GABBR2: variants seen among roughly 807,000 people sequenced by gnomAD.
The protein encoded by GABBR2 is gamma-aminobutyric acid type B receptor subunit 2.
In GABBR2, 23 loss-of-function variants were observed where a neutral mutation model predicts 105.6. The observed-to-expected ratio is 0.22, with a 90% CI of 0.16 to 0.31. GABBR2 has a LOEUF of 0.31. GABBR2 is among the 10% of genes least tolerant of loss of function. The pLI, the probability that GABBR2 is intolerant of heterozygous loss-of-function variation, is 1.00. For missense variants in GABBR2, 734 were observed against 1,245.5 expected (o/e 0.59, Z 6.18); for synonymous variants, 478 against 499.7 (o/e 0.96, Z 0.58).
At chr9:98,595,344 T>G (rs1378312504) in intron 1 of GABBR2, among the ~76,000 whole-genome samples, 2 of 151,676 alleles carry the variant, frequency 1.3e-5, no homozygotes, top group African/African-American at 4.8e-5. Flanking sequence ...TACCATCAGT[T>G]TGGGGGCTAG....
At chr9:98,346,303 ATTCTAAG>A (rs1387823451) in intron 13 of GABBR2, among the ~76,000 whole-genome samples, 2 of 152,244 alleles carry the variant, frequency 1.3e-5, no homozygotes, top group African/African-American at 2.4e-5. Context: ...TTTATGGAAT[ATTCTAAG>A]TTCTTTGTTG....
chr9:98,703,821 AT>A (rs1830862522), intron 1 of GABBR2, among the ~76,000 whole-genome samples: 1 of 151,618 alleles, frequency 6.6e-6, no homozygotes, highest in South Asian at 2.1e-4. Context: ...ATAAAAATAA[AT>A]TTATTTTTTA....
chr9:98,607,916 T>C, intron 1 of GABBR2: 1 of 1,440,372 alleles, frequency 6.9e-7, no homozygotes, highest in East Asian at 2.5e-5. Context: ...GAGATGAAGG[T>C]CAAAGAAAAA....
At chr9:98,487,647 G>A (rs551642983) in intron 4 of GABBR2, among the ~76,000 whole-genome samples, 29 of 152,088 alleles carry the variant, frequency 1.9e-4, no homozygotes, top group African/African-American at 6.3e-4. Context: ...GTATGGTGGT[G>A]CATGCCTGTA....
At chr9:98,604,299 G>A (rs990731541) in intron 1 of GABBR2, among the ~76,000 whole-genome samples, 4 of 152,102 alleles carry the variant, frequency 2.6e-5, no homozygotes, top group Admixed American at 1.3e-4. Flanking sequence ...CCATTTCATC[G>A]GCTTTATTGA....
intron 1 of GABBR2, among the ~76,000 whole-genome samples, chr9:98,623,065 A>G (rs1286758189): frequency 6.6e-6 from 1 of 152,176 alleles, no homozygotes; most frequent in East Asian, 1.9e-4. Context: ...AGTATGTGGG[A>G]AATTTCCCTA....
At chr9:98,567,315 G>C (rs1828766558) in intron 2 of GABBR2, among the ~76,000 whole-genome samples, 1 of 152,168 alleles carries the variant, frequency 6.6e-6, no homozygotes, top group Non-Finnish European at 1.5e-5. Context: ...GAAAGACATG[G>C]GGTATGTCCT....
intron 1 of GABBR2, among the ~76,000 whole-genome samples, chr9:98,629,454 T>A (rs1001917013): frequency 1.3e-5 from 2 of 152,186 alleles, no homozygotes; most frequent in Non-Finnish European, 2.9e-5. Context: ...GACTAGATTA[T>A]AAAAACCAAG....
intron 6 of GABBR2, among the ~76,000 whole-genome samples, chr9:98,467,657 A>G (rs1022033425): frequency 6.6e-6 from 1 of 152,212 alleles, no homozygotes; most frequent in Admixed American, 6.5e-5. Flanking sequence ...AAGTGGAAGG[A>G]TCACTAGATT....
chr9:98,701,597 T>C (rs1830830408), intron 1 of GABBR2, among the ~76,000 whole-genome samples: 1 of 152,124 alleles, frequency 6.6e-6, no homozygotes, highest in Non-Finnish European at 1.5e-5. Context: ...CACCATTTAC[T>C]CATGCAGGCT....
chr9:98,385,547 A>T, intron 11 of GABBR2, 93 bp downstream of exon 11: 1 of 982,352 alleles, frequency 1.0e-6, no homozygotes, highest in Non-Finnish European at 1.6e-6. Context: ...ATGTATTTTC[A>T]TGTATTTCTG....
At chr9:98,557,942 C>T (rs11791441) in intron 2 of GABBR2, among the ~76,000 whole-genome samples, 12,378 of 152,124 alleles carry the variant, frequency 0.081, 576 homozygotes, top group East Asian at 0.15. Flanking sequence ...AGTTTTTTAC[C>T]AGAATATATG....
At chr9:98,554,957 C>T (rs1481117882) in intron 2 of GABBR2, among the ~76,000 whole-genome samples, 3 of 152,180 alleles carry the variant, frequency 2.0e-5, no homozygotes, top group Non-Finnish European at 4.4e-5. Flanking sequence ...ATGCCACCTC[C>T]GCCCCTCCCT....
intron 6 of GABBR2, among the ~76,000 whole-genome samples, chr9:98,468,991 T>C (rs1826613661): frequency 1.3e-5 from 2 of 152,130 alleles, no homozygotes; most frequent in Non-Finnish European, 2.9e-5. Flanking sequence ...TGGATGATTG[T>C]ATTAGATTTG....
intron 5 of GABBR2, among the ~76,000 whole-genome samples, chr9:98,473,571 G>A (rs756468776): frequency 2.0e-5 from 3 of 151,916 alleles, no homozygotes; most frequent in Non-Finnish European, 4.4e-5. Context: ...AAACATAAGG[G>A]CCCATAAAAA....
intron 1 of GABBR2, among the ~76,000 whole-genome samples, chr9:98,677,036 C>CTATG (rs1218669806): frequency 6.6e-6 from 1 of 152,200 alleles, no homozygotes; most frequent in Non-Finnish European, 1.5e-5. Flanking sequence ...TCCACTCAAG[C>CTATG]TATGCCCTCA....
intron 1 of GABBR2, among the ~76,000 whole-genome samples, chr9:98,703,797 CTTT>C (rs1233392937): frequency 1.7e-5 from 2 of 117,340 alleles, no homozygotes; most frequent in Non-Finnish European, 3.7e-5. Flanking sequence ...CTCAGTCTAT[CTTT>C]TTATTTTTAA....
chr9:98,663,240 G>A (rs35095054), intron 1 of GABBR2, among the ~76,000 whole-genome samples: 20,892 of 149,446 alleles, frequency 0.14, 1,702 homozygotes, highest in Non-Finnish European at 0.18. Flanking sequence ...GAGACCATGC[G>A]GGGACAGGCA....
intron 13 of GABBR2, among the ~76,000 whole-genome samples, chr9:98,361,374 C>G (rs1048101927): frequency 1.7e-5 from 2 of 120,166 alleles, no homozygotes; most frequent in Non-Finnish European, 1.7e-5. Context: ...TCATCATCAT[C>G]GCTCTTATCA....
Sources: allele counts gnomAD v4.1 joint callset (sites outside exome capture counted in the v4.1 genomes callset), GRCh38; gene constraint gnomAD v4.1.1; transcripts MANE v1.5; gene names NCBI Gene and HGNC (gene_info 2026-07-23, HGNC 2026-07-21).